The following ASTN2 variants were observed in gnomAD, a reference collection of about 807,000 sequenced individuals.
The protein encoded by ASTN2 is astrotactin-2.
A neutral mutation model predicts 139.8 loss-of-function variants in ASTN2; 54 were observed. The observed-to-expected ratio is 0.39, with a 90% confidence interval of 0.31 to 0.48. The LOEUF (loss-of-function observed/expected upper bound fraction) is 0.48. Among genes scored for constraint, ASTN2 ranks in the 20% least tolerant of loss-of-function variants. ASTN2 has a pLI of 0.95. For missense variants in ASTN2, 1,565 were observed against 1,725.1 expected (o/e 0.91, Z 1.64); for synonymous variants, 756 against 719.5 (o/e 1.05, Z -0.81).
At chr9:116,876,986 G>A (rs1260338307) in intron 10 of ASTN2, among the ~76,000 whole-genome samples, 1 of 152,140 alleles carries the variant, frequency 6.6e-6, no homozygotes, top group Non-Finnish European at 1.5e-5. Flanking sequence ...TGTCCCTCTG[G>A]GGCTTACAGT....
intron 4 of ASTN2, among the ~76,000 whole-genome samples, chr9:117,120,016 G>GTATATATATATATATATA (rs1385401943): frequency 3.0e-5 from 1 of 33,840 alleles, no homozygotes; most frequent in African/African-American, 7.7e-5. Context: ...GTGTGTGTGT[G>GTATATATATATATATATA]TGTATATATA....
chr9:116,904,229 T>C (rs11787870), intron 10 of ASTN2, among the ~76,000 whole-genome samples: 2,060 of 152,226 alleles, frequency 0.014, 21 homozygotes, highest in Non-Finnish European at 0.019. Context: ...TGAGCAGCTC[T>C]GGGAAGTGTG....
chr9:117,355,005 C>T (rs1829497348), intron 1 of ASTN2, among the ~76,000 whole-genome samples: 1 of 152,086 alleles, frequency 6.6e-6, no homozygotes, highest in Non-Finnish European at 1.5e-5. Flanking sequence ...TTTTAAGCTC[C>T]TTGTCCTGTT....
intron 19 of ASTN2, among the ~76,000 whole-genome samples, chr9:116,615,731 G>A (rs549601347): frequency 7.2e-6 from 1 of 139,452 alleles, no homozygotes; most frequent in African/African-American, 2.6e-5. Flanking sequence ...GTCATGGGGT[G>A]GGGGCAGGGG....
chr9:116,511,303 G>T (rs1564330918), intron 19 of ASTN2, among the ~76,000 whole-genome samples: 1 of 152,106 alleles, frequency 6.6e-6, no homozygotes, highest in Non-Finnish European at 1.5e-5. Flanking sequence ...GCTGGATTAT[G>T]TTTATTGATT....
intron 5 of ASTN2, among the ~76,000 whole-genome samples, chr9:117,090,857 C>T (rs1828688920): frequency 1.3e-5 from 2 of 152,228 alleles, no homozygotes; most frequent in African/African-American, 2.4e-5. Context: ...TATGTACAAA[C>T]ACTTGTTAGA....
At chr9:117,184,740 G>A (rs1007873880) in intron 3 of ASTN2, among the ~76,000 whole-genome samples, 2 of 152,130 alleles carry the variant, frequency 1.3e-5, no homozygotes, top group African/African-American at 4.8e-5. Context: ...AGCTTCCACT[G>A]ATTTTAATGT....
At chr9:116,585,854 T>C (rs1826678054) in intron 19 of ASTN2, 1 of 151,986 alleles carries the variant, frequency 6.6e-6, no homozygotes, top group Non-Finnish European at 1.5e-5. Flanking sequence ...GCAAAAGAAA[T>C]TATCAATAAA....
chr9:116,828,390 T>C (rs1277025041), intron 11 of ASTN2, among the ~76,000 whole-genome samples: 1 of 151,936 alleles, frequency 6.6e-6, no homozygotes, highest in Non-Finnish European at 1.5e-5. Flanking sequence ...AATTTATCCC[T>C]GTGATGTAAT....
In ASTN2 at chr9:117,335,410, T is replaced by A. The variant is rs1270614946; in HGVS notation, c.443-43897A>T. ...CTTTAACACAATACAAACATCTCCA[T>A]GTTAGGAAGACAGTCTGATCATATA... On this transcript the variant is annotated intron_variant, in intron 1 of 22. Coordinates refer to ENST00000313400, the MANE Select transcript of ASTN2 (RefSeq NM_001365068.1). 2.0e-5 allele frequency among the ~76,000 whole-genome samples: 3 copies of A among 152,196 alleles called. No individual in the cohort carries two copies. The East Asian group carries it at 5.8e-4, about 29-fold the overall frequency.
At chr9:117,122,407 G>A (rs1419640504) in intron 4 of ASTN2, among the ~76,000 whole-genome samples, 1 of 152,130 alleles carries the variant, frequency 6.6e-6, no homozygotes, top group East Asian at 1.9e-4. Flanking sequence ...CACCACAATT[G>A]CACTAGTGCC....
chr9:117,233,686 A>G (rs1335407), intron 2 of ASTN2, among the ~76,000 whole-genome samples: 3 of 151,322 alleles, frequency 2.0e-5, no homozygotes, highest in Non-Finnish European at 1.5e-5. Flanking sequence ...TTTTTTTTTA[A>G]AAAAAAGAAT....
intron 1 of ASTN2, among the ~76,000 whole-genome samples, chr9:117,356,117 G>A (rs893593375): frequency 6.6e-5 from 10 of 152,118 alleles, no homozygotes; most frequent in African/African-American, 2.2e-4. Flanking sequence ...CAAGTTAGTA[G>A]AAAGGAAATG....
chr9:116,455,728 T>C (rs549416916), intron 20 of ASTN2, among the ~76,000 whole-genome samples: 17 of 150,384 alleles, frequency 1.1e-4, no homozygotes, highest in African/African-American at 3.9e-4. Context: ...AAGCCATCCT[T>C]AAAATCTAAA....
chr9:116,787,779 G>T (rs1050824621), intron 13 of ASTN2, among the ~76,000 whole-genome samples: 9 of 152,148 alleles, frequency 5.9e-5, no homozygotes, highest in Middle Eastern at 3.4e-3. Flanking sequence ...ATGCTGAATG[G>T]GCTCCTGTAT....
chr9:117,103,914 G>A (rs1449621213), intron 4 of ASTN2, among the ~76,000 whole-genome samples: 1 of 152,136 alleles, frequency 6.6e-6, no homozygotes, highest in Non-Finnish European at 1.5e-5. Context: ...AACCACAAAT[G>A]TTCATACACA....
intron 20 of ASTN2, among the ~76,000 whole-genome samples, chr9:116,457,074 C>G (rs1489611817): frequency 6.6e-6 from 1 of 152,126 alleles, no homozygotes; most frequent in Non-Finnish European, 1.5e-5. Context: ...TCATTTTCAA[C>G]AAAGGTGCCA....
intron 1 of ASTN2, among the ~76,000 whole-genome samples, chr9:117,391,689 C>G (rs975831018): frequency 4.6e-5 from 7 of 152,138 alleles, no homozygotes; most frequent in African/African-American, 1.7e-4. Context: ...ACCATTCATG[C>G]CTTCCCAACA....
chr9:116,788,763 A>T (rs773557209), intron 13 of ASTN2, among the ~76,000 whole-genome samples: 2 of 152,180 alleles, frequency 1.3e-5, no homozygotes, highest in Non-Finnish European at 2.9e-5. Context: ...AGAAGAATTC[A>T]ATCCTATTTT....
Sources: gnomAD v4.1 joint callset for allele counts (sites outside exome capture counted in the v4.1 genomes callset) on GRCh38, gnomAD v4.1.1 for gene constraint, MANE v1.5 for transcripts, NCBI Gene and HGNC (gene_info 2026-07-23, HGNC 2026-07-21) for gene names.